Variants in FNDC7 observed in about 807,000 individuals in gnomAD.
The protein encoded by FNDC7 is fibronectin type III domain-containing protein 7.
Under a neutral mutation model 74.2 loss-of-function variants are expected in FNDC7, and 66 were observed. The observed-to-expected ratio is 0.89, with a 90% CI of 0.73 to 1.09. The LOEUF is 1.09. FNDC7 is among the 50% of genes least tolerant of loss of function. The pLI is 0.00. For missense variants in FNDC7, 829 were observed against 893.4 expected, an observed-to-expected ratio of 0.93 and a Z score of 0.92; for synonymous variants, 307 against 330.2, an observed-to-expected ratio of 0.93 and a Z score of 0.76.
chr1:108,737,622 C>T (rs1016150262), intron 11 of FNDC7, 98 bp downstream of exon 11: 15 of 934,876 alleles, frequency 1.6e-5, no homozygotes, highest in Non-Finnish European at 2.4e-5. Context: ...AAAGCAAATG[C>T]TTTCTTTCTT....
At chr1:108,738,661 A>T (rs1475816311) in intron 11 of FNDC7, among the ~76,000 whole-genome samples, 3 of 146,428 alleles carry the variant, frequency 2.0e-5, no homozygotes, top group African/African-American at 7.6e-5. Context: ...CCCCACCCAC[A>T]CCCCCTTCCA....
chr1:108,721,382 T>TG (rs1266683349), intron 4 of FNDC7, among the ~76,000 whole-genome samples: 1 of 151,968 alleles, frequency 6.6e-6, no homozygotes, highest in East Asian at 1.9e-4. Context: ...GGCAGGAGAA[T>TG]GGCATGAACC....
At chr1:108,717,684 G>C in intron 2 of FNDC7, 93 bp from the exon 3 acceptor site, 6 of 1,313,608 alleles carry the variant, frequency 4.6e-6, no homozygotes, top group Non-Finnish European at 6.3e-6. Flanking sequence ...CTGAAGGAAG[G>C]CATGAGAATG....
rs759147639 is a variant in FNDC7 at position 108,725,788 on chromosome 1, C to G, written c.895C>G (p.Pro299Ala). 6.2e-7 allele frequency: 1 copy of G among 1,614,076 alleles called. No individual in the cohort carries two copies. The highest frequency in any genetic ancestry group is 8.5e-7 in the Non-Finnish European group (1 of 1,179,960). Residue 299 changes from proline to alanine, a missense_variant, in exon 6 of 13, where the codon CCC becomes GCC. Transcript: ENST00000370017. The stretch of plus-strand genomic sequence containing the variant: ...CGGAAGAGTGACGATCCAAGAAGAT[C>G]CCCCTGGCCACCTGTCTGTGGCTTG... Reference protein sequence around the residue: ...APGRVTIQEDPPGHLSVAWSS... With the variant: ...APGRVTIQEDAPGHLSVAWSS...
In FNDC7 at chr1:108,730,792, A is replaced by G; in HGVS notation, c.1743A>G (p.Gly581=). The change falls in exon 9 of 13, where the codon GGA becomes GGG. Residue 581 remains glycine, a synonymous_variant. Transcript: ENST00000370017. The part of the protein sequence containing the change: ...THVAVLESHT[G]QSKCHTHQNH... ...TTGCAGTTCTGGAGTCACACACTGG[A>G]CAGTCTAAGTGTCACACTCATCAAA... 6.2e-7 allele frequency: 1 copy of G among 1,614,148 alleles called. No individual in the cohort carries two copies. The highest frequency in any genetic ancestry group is 8.5e-7 in the Non-Finnish European group (1 of 1,180,018).
chr1:108,728,598 A>G (rs1345173737), intron 7 of FNDC7, 34 bp from the exon 8 acceptor site: 4 of 1,609,456 alleles, frequency 2.5e-6, no homozygotes, highest in African/African-American at 2.7e-5. Context: ...TTTTTGACTC[A>G]TGCTGGTTCA....
chr1:108,724,745 C>A (rs57353467), intron 5 of FNDC7, among the ~76,000 whole-genome samples: 3 of 148,602 alleles, frequency 2.0e-5, no homozygotes, highest in African/African-American at 5.1e-5. Flanking sequence ...CAGAGCGAGA[C>A]CTTGTCTCCA....
chr1:108,723,269 G>A (rs1041044327), intron 5 of FNDC7, among the ~76,000 whole-genome samples: 2 of 152,168 alleles, frequency 1.3e-5, no homozygotes, highest in African/African-American at 2.4e-5. Context: ...GAAGCTCAGA[G>A]AAGTTAAATA....
At chr1:108,713,462 A>G (rs370241009) in intron 1 of FNDC7, 49 bp from the exon 2 acceptor site, 137 of 1,507,654 alleles carry the variant, frequency 9.1e-5, no homozygotes, top group Non-Finnish European at 1.2e-4. Flanking sequence ...ACGTTTGTTC[A>G]AGTTGTGTTT....
At chr1:108,733,208 G>C in intron 9 of FNDC7, 64 bp from the exon 10 acceptor site, 1 of 1,578,306 alleles carries the variant, frequency 6.3e-7, no homozygotes, top group Non-Finnish European at 8.6e-7. Context: ...CAGTAATCAA[G>C]GCCATTTTTG....
intron 2 of FNDC7, among the ~76,000 whole-genome samples, chr1:108,716,323 G>GTA (rs1557786117): frequency 2.8e-5 from 1 of 35,842 alleles, no homozygotes; most frequent in Non-Finnish European, 6.8e-5. Context: ...GAAGAGAGGT[G>GTA]TGTGTGTGTG....
intron 10 of FNDC7, among the ~76,000 whole-genome samples, chr1:108,733,741 C>T (rs1661449052): frequency 1.3e-5 from 2 of 151,006 alleles, no homozygotes; most frequent in Non-Finnish European, 2.9e-5. Context: ...ACCTCCACCT[C>T]CCAGGGTCAA....
rs2101082491 is a variant in FNDC7 at position 108,725,898 on chromosome 1, T to C, written c.1005T>C (p.Thr335=). The C allele has an allele frequency of 6.2e-7, 1 of 1,614,162 alleles. No individual in the cohort carries two copies. Among genetic ancestry groups the C allele is most frequent in the Admixed American group, 1.7e-5 (1 of 60,016 alleles). The part of the protein sequence containing the change: ...GLEVHCNTSL[T]QCNFLSECGF... ...AAGTACACTGCAACACATCTCTCAC[T>C]CAGTGCAACTTCTTATCTGAGTGTG... is the stretch of plus-strand genomic sequence containing the variant. The change falls in exon 6 of 13, where the codon ACT becomes ACC. Residue 335 remains threonine, a synonymous_variant. Transcript: ENST00000370017.
At chr1:108,713,026 T>C in intron 1 of FNDC7, 30 bp downstream of exon 1, 23 of 1,526,264 alleles carry the variant, frequency 1.5e-5, no homozygotes, top group Non-Finnish European at 1.9e-5. Context: ...TACCCACAAC[T>C]ATTTAGGGGA....
At chr1:108,727,660 T>C (rs1299378273) in intron 6 of FNDC7, 148 bp from the exon 7 acceptor site, 8 of 914,136 alleles carry the variant, frequency 8.8e-6, no homozygotes, top group East Asian at 2.4e-5. Context: ...TAGGCCAAGA[T>C]TGGACCTTGA....
chr1:108,729,781 T>G (rs1661302735), intron 8 of FNDC7, among the ~76,000 whole-genome samples: 1 of 152,194 alleles, frequency 6.6e-6, no homozygotes, highest in Non-Finnish European at 1.5e-5. Flanking sequence ...TTTTCTTATA[T>G]ACAGTGATAG....
intron 4 of FNDC7, among the ~76,000 whole-genome samples, chr1:108,720,563 A>G (rs1570725916): frequency 6.6e-6 from 1 of 152,286 alleles, no homozygotes; most frequent in Non-Finnish European, 1.5e-5. Context: ...TGGAACCACA[A>G]ACTGGGTGAC....
chr1:108,716,444 T>C (rs1003680250), intron 2 of FNDC7, among the ~76,000 whole-genome samples: 1 of 151,574 alleles, frequency 6.6e-6, no homozygotes, highest in African/African-American at 2.4e-5. Flanking sequence ...CCCTTTCCTA[T>C]AGAATTGGCT....
In FNDC7 at chr1:108,722,370, G is replaced by T. The variant is rs759652767; in HGVS notation, c.634G>T (p.Asp212Tyr). 6.2e-7 allele frequency: 1 copy of T among 1,613,562 alleles called. No homozygotes were observed. Among genetic ancestry groups the T allele is most frequent in the Non-Finnish European group, 8.5e-7 (1 of 1,179,770 alleles). ...CCCTGCCAACATTCAAGTCTCTTTC[G>T]ATAGTGGAGCTCTGAAGGCATCTTT... ...RAPANIQVSF[D>Y]SGALKASFSW... Residue 212 changes from aspartate (D) to tyrosine (Y), a missense_variant, in exon 5 of 13, where the codon GAT (aspartate) becomes TAT (tyrosine). Transcript: ENST00000370017.
Sources: allele counts gnomAD v4.1 joint callset (sites outside exome capture counted in the v4.1 genomes callset), GRCh38; gene constraint gnomAD v4.1.1; transcripts MANE v1.5; gene names NCBI Gene and HGNC (gene_info 2026-07-23, HGNC 2026-07-21).